RERE: variants seen among roughly 807,000 people sequenced by gnomAD.
RERE encodes the protein arginine-glutamic acid dipeptide repeats protein.
In RERE, 40 loss-of-function variants were observed where a neutral mutation model predicts 146.1. The ratio of observed to expected loss-of-function variants is 0.27; its 90% CI spans 0.21 to 0.36. The LOEUF is 0.36. Among genes scored for constraint, RERE ranks in the 10% least tolerant of loss-of-function variants. RERE has a pLI of 1.00. For missense variants in RERE, 1,933 were observed against 2,138.7 expected, an observed-to-expected ratio of 0.90 and a Z score of 1.90; for synonymous variants, 1,003 against 866.0, an observed-to-expected ratio of 1.16 and a Z score of -2.78.
At chr1:8,445,304 C>T (rs1481015655) in intron 11 of RERE, among the ~76,000 whole-genome samples, 1 of 152,156 alleles carries the variant, frequency 6.6e-6, no homozygotes, top group Non-Finnish European at 1.5e-5. Flanking sequence ...AAGATCTTGC[C>T]GTATGTAACT....
intron 10 of RERE, among the ~76,000 whole-genome samples, chr1:8,489,008 T>C (rs1031709950): frequency 1.2e-4 from 19 of 152,096 alleles, no homozygotes; most frequent in African/African-American, 4.6e-4. Context: ...AAATAATGAC[T>C]TATTAAGCTT....
chr1:8,527,354 A>G lies in RERE; in HGVS notation c.830+13860T>C, dbSNP rs571626724. Among the ~76,000 whole-genome samples, 11 of 152,346 alleles carry G rather than the reference A, an allele frequency of 7.2e-5. No individual in the cohort carries two copies. In the East Asian group the frequency reaches 1.5e-3, roughly 21 times the overall value. ...AACAGTCTAGAGAAAAATACTTTCTAAACACAAAAGCAATGGAATTAGAAC... is the reference window on the plus strand; with the variant it reads ...AACAGTCTAGAGAAAAATACTTTCTGAACACAAAAGCAATGGAATTAGAAC... On this transcript the variant is annotated intron_variant, in intron 7 of 22. Coordinates refer to ENST00000400908, the MANE Select transcript of RERE (RefSeq NM_001042681.2).
chr1:8,431,120 G>A (rs1285809756), intron 11 of RERE, among the ~76,000 whole-genome samples: 3 of 152,108 alleles, frequency 2.0e-5, no homozygotes, highest in East Asian at 1.9e-4. Flanking sequence ...ACCTTAAGAC[G>A]GGGGTCTCCA....
At chr1:8,689,893 C>T (rs965285430) in intron 1 of RERE, among the ~76,000 whole-genome samples, 1 of 152,090 alleles carries the variant, frequency 6.6e-6, no homozygotes, top group Non-Finnish European at 1.5e-5. Context: ...ACCTGAGAGG[C>T]TAACATCTGT....
chr1:8,555,580 T>G (rs1357550755), intron 6 of RERE, among the ~76,000 whole-genome samples: 1 of 152,222 alleles, frequency 6.6e-6, no homozygotes, highest in Non-Finnish European at 1.5e-5. Flanking sequence ...AAAATCCTAG[T>G]ATTTTGTTAA....
intron 4 of RERE, among the ~76,000 whole-genome samples, chr1:8,573,573 T>C (rs1301782933): frequency 2.6e-5 from 4 of 152,178 alleles, no homozygotes; most frequent in African/African-American, 9.7e-5. Flanking sequence ...CATTTCCAGT[T>C]TTCCACCATT....
intron 4 of RERE, among the ~76,000 whole-genome samples, chr1:8,603,155 TG>T (rs1338717659): frequency 1.3e-5 from 2 of 152,262 alleles, no homozygotes; most frequent in Non-Finnish European, 2.9e-5. Context: ...TGGAATTACA[TG>T]TTTTACAACT....
intron 1 of RERE, among the ~76,000 whole-genome samples, chr1:8,804,450 T>C (rs1641645277): frequency 2.6e-5 from 4 of 152,312 alleles, no homozygotes; most frequent in Admixed American, 2.0e-4. Context: ...TCTACTGGTA[T>C]TTATGGCACA....
chr1:8,642,327 C>T (rs1168833869), intron 2 of RERE, among the ~76,000 whole-genome samples: 2 of 152,172 alleles, frequency 1.3e-5, no homozygotes, highest in Non-Finnish European at 2.9e-5. Flanking sequence ...CTCTACTCCA[C>T]GTTAACCCAC....
At chr1:8,722,401 C>T (rs1427189914) in intron 1 of RERE, among the ~76,000 whole-genome samples, 1 of 152,192 alleles carries the variant, frequency 6.6e-6, no homozygotes, top group Non-Finnish European at 1.5e-5. Context: ...TAACTGTACA[C>T]CAGGTACTGC....
At chr1:8,813,236 C>T (rs1207687893) in intron 1 of RERE, among the ~76,000 whole-genome samples, 1 of 152,274 alleles carries the variant, frequency 6.6e-6, no homozygotes. Context: ...GTGTGTGTAA[C>T]GAAGTTCACA....
chr1:8,810,354 C>G (rs749646773), intron 1 of RERE, among the ~76,000 whole-genome samples: 3 of 152,008 alleles, frequency 2.0e-5, no homozygotes, highest in Non-Finnish European at 4.4e-5. Context: ...GCCTGTAATC[C>G]CAACACTTTG....
At chr1:8,799,150 C>T (rs900376887) in intron 1 of RERE, among the ~76,000 whole-genome samples, 5 of 151,992 alleles carry the variant, frequency 3.3e-5, no homozygotes, top group African/African-American at 7.3e-5. Context: ...CCCGCCACCA[C>T]GTCCAGCTAA....
At chr1:8,679,213 G>C (rs1315154882) in intron 1 of RERE, among the ~76,000 whole-genome samples, 1 of 152,112 alleles carries the variant, frequency 6.6e-6, no homozygotes, top group Non-Finnish European at 1.5e-5. Context: ...TCAAGTACAA[G>C]AATATGCATA....
intron 1 of RERE, among the ~76,000 whole-genome samples, chr1:8,692,785 T>C (rs1030357312): frequency 6.6e-6 from 1 of 152,192 alleles, no homozygotes; most frequent in Non-Finnish European, 1.5e-5. Context: ...AAGCCAAGAA[T>C]ACAAAGGGCT....
intron 4 of RERE, among the ~76,000 whole-genome samples, chr1:8,580,838 G>A (rs1317062270): frequency 6.6e-6 from 1 of 151,898 alleles, no homozygotes; most frequent in Admixed American, 6.6e-5. Context: ...TGAGTTGTGT[G>A]CCACCATGCT....
At chr1:8,612,355 C>T (rs2124186405) in intron 4 of RERE, among the ~76,000 whole-genome samples, 1 of 152,270 alleles carries the variant, frequency 6.6e-6, no homozygotes, top group South Asian at 2.1e-4. Flanking sequence ...TGATTCAGAT[C>T]CAGCTCAAAT....
chr1:8,580,750 G>A (rs1458612354), intron 4 of RERE, among the ~76,000 whole-genome samples: 1 of 152,040 alleles, frequency 6.6e-6, no homozygotes, highest in Non-Finnish European at 1.5e-5. Flanking sequence ...TCACTGTGTC[G>A]CTCAGACTGG....
intron 2 of RERE, among the ~76,000 whole-genome samples, chr1:8,653,403 T>C (rs1047573325): frequency 6.6e-6 from 1 of 152,192 alleles, no homozygotes; most frequent in Non-Finnish European, 1.5e-5. Context: ...GTTATCATAA[T>C]GTAATCTATA....
Sources: gnomAD v4.1 joint callset for allele counts (sites outside exome capture counted in the v4.1 genomes callset) on GRCh38, gnomAD v4.1.1 for gene constraint, MANE v1.5 for transcripts, NCBI Gene and HGNC (gene_info 2026-07-23, HGNC 2026-07-21) for gene names.